PVT1: variants seen among roughly 807,000 people sequenced by gnomAD.
PVT1 encodes Pvt1 oncogene.
chr8:128,004,354 G>A (rs1322457005), intron 4 of PVT1, among the ~76,000 whole-genome samples: 1 of 152,124 alleles, frequency 6.6e-6, no homozygotes, highest in African/African-American at 2.4e-5. Context: ...TATTGGGTGG[G>A]GGAGAAGGGA....
intron 2 of PVT1, among the ~76,000 whole-genome samples, chr8:127,807,719 A>G (rs1814542968): frequency 6.6e-6 from 1 of 152,156 alleles, no homozygotes; most frequent in East Asian, 1.9e-4. Context: ...GAAAATACAT[A>G]TGACAAGATG....
Position 127,908,681 on chromosome 8 carries a change from ACACCCC to A in PVT1, n.782+17686_782+17691del, listed in dbSNP as rs201436162. ...AACCCTTGATGGGACTCCCGGCTAAACACCCCCATTGTCTGGGACCTTGAGATTAGA... is the reference window on the plus strand; with the variant it reads ...AACCCTTGATGGGACTCCCGGCTAAACATTGTCTGGGACCTTGAGATTAGA... On this transcript the variant is annotated intron_variant and non_coding_transcript_variant, in intron 3 of 10. Coordinates refer to ENST00000651587, the Ensembl canonical transcript of PVT1. Among the ~76,000 whole-genome samples the A allele has an allele frequency of 3.4e-4, 51 of 152,224 alleles. No homozygotes were observed. The East Asian group carries it at 9.3e-3, about 28-fold the overall frequency.
At chr8:127,900,456 G>C (rs1264441867) in intron 3 of PVT1, among the ~76,000 whole-genome samples, 2 of 152,098 alleles carry the variant, frequency 1.3e-5, no homozygotes, top group Non-Finnish European at 2.9e-5. Context: ...TGAACTTGGG[G>C]TATAACAGGT....
At chr8:128,035,882 C>T (rs556146876) in intron 4 of PVT1, among the ~76,000 whole-genome samples, 1 of 152,326 alleles carries the variant, frequency 6.6e-6, no homozygotes, top group East Asian at 1.9e-4. Context: ...AACTGATTTT[C>T]CTTTGGAGCT....
At chr8:128,055,964 A>G (rs1813757559) in intron 4 of PVT1, among the ~76,000 whole-genome samples, 1 of 152,224 alleles carries the variant, frequency 6.6e-6, no homozygotes, top group African/African-American at 2.4e-5. Context: ...AACAATATGC[A>G]TGTACAGAAA....
intron 2 of PVT1, among the ~76,000 whole-genome samples, chr8:127,889,033 T>TC (rs1491272967): frequency 4.1e-5 from 3 of 72,516 alleles, no homozygotes; most frequent in South Asian, 5.0e-4. Context: ...CCTTTCTCTC[T>TC]TTCTTTCTTC....
At chr8:128,042,674 T>C (rs1813559837) in intron 4 of PVT1, among the ~76,000 whole-genome samples, 2 of 152,218 alleles carry the variant, frequency 1.3e-5, no homozygotes, top group African/African-American at 4.8e-5. Context: ...GCTTGCTGTG[T>C]GAGCCTTCTC....
intron 4 of PVT1, among the ~76,000 whole-genome samples, chr8:128,041,581 TGTGTGTTTGC>T (rs1813545000): frequency 6.8e-6 from 1 of 147,506 alleles, no homozygotes; most frequent in Admixed American, 7.0e-5. Context: ...TGTGTGTTTG[TGTGTGTTTGC>T]GTGTGTGTAC....
intron 3 of PVT1, among the ~76,000 whole-genome samples, chr8:127,982,941 C>A (rs1363897999): frequency 6.6e-6 from 1 of 152,128 alleles, no homozygotes; most frequent in Non-Finnish European, 1.5e-5. Context: ...GTGTTGAGCA[C>A]CTGTTGTGCA....
chr8:128,064,634 A>G (rs542545612), intron 4 of PVT1, among the ~76,000 whole-genome samples: 7 of 152,214 alleles, frequency 4.6e-5, no homozygotes, highest in African/African-American at 7.2e-5. Flanking sequence ...AGAGAGTCCC[A>G]TTTGACCAGT....
intron 2 of PVT1, among the ~76,000 whole-genome samples, chr8:127,798,380 G>A (rs1036457993): frequency 1.3e-5 from 2 of 151,656 alleles, no homozygotes; most frequent in Non-Finnish European, 2.9e-5. Flanking sequence ...CACCCTCACC[G>A]TGCACCTTAG....
rs562329655 is a variant in PVT1 at position 127,814,528 on chromosome 8, T to C, written n.372+18457T>C. ...ATGCTGGGCAATGCTCTAAGTGCTC[T>C]GCAGGTTTTGGCTAATTTAATCTCC... On this transcript the variant is annotated intron_variant and non_coding_transcript_variant, in intron 2 of 10. Coordinates refer to ENST00000651587, the Ensembl canonical transcript of PVT1. Among the ~76,000 whole-genome samples, 245 of 152,366 alleles carry C rather than the reference T, an allele frequency of 1.6e-3. 1 individual carries two copies. The highest frequency in any genetic ancestry group is 5.4e-3 in the South Asian group (26 of 4,830).
At chr8:127,866,534 T>G (rs556472521) in intron 2 of PVT1, among the ~76,000 whole-genome samples, 50 of 152,170 alleles carry the variant, frequency 3.3e-4, no homozygotes, top group African/African-American at 1.0e-3. Context: ...GAAGGAGGCC[T>G]GGAGGAGTAG....
intron 2 of PVT1, among the ~76,000 whole-genome samples, chr8:127,818,436 C>A (rs903124017): frequency 1.2e-4 from 19 of 152,094 alleles, no homozygotes; most frequent in Non-Finnish European, 2.1e-4. Context: ...GAAGGGAGAG[C>A]AGGCAGGTCT....
At chr8:128,033,216 A>G (rs534875822) in intron 4 of PVT1, among the ~76,000 whole-genome samples, 145 of 152,352 alleles carry the variant, frequency 9.5e-4, no homozygotes, top group African/African-American at 3.3e-3. Flanking sequence ...GAATGGTATG[A>G]TTCTCCGAGG....
intron 3 of PVT1, chr8:127,960,489 G>A (rs895137003): frequency 2.8e-5 from 8 of 288,122 alleles, no homozygotes; most frequent in East Asian, 1.1e-4. Flanking sequence ...GTTAGGAATC[G>A]ACCTTCCTTG....
intron 3 of PVT1, among the ~76,000 whole-genome samples, chr8:127,955,346 G>T (rs1816555832): frequency 6.6e-6 from 1 of 152,178 alleles, no homozygotes; most frequent in African/African-American, 2.4e-5. Flanking sequence ...AATTTCTGTT[G>T]TTAAAGCCAC....
intron 4 of PVT1, among the ~76,000 whole-genome samples, chr8:128,060,172 C>T (rs1050816551): frequency 2.0e-5 from 3 of 152,152 alleles, no homozygotes; most frequent in South Asian, 2.1e-4. Flanking sequence ...AGGAGAATGG[C>T]GTGAACCCAG....
intron 4 of PVT1, among the ~76,000 whole-genome samples, chr8:128,047,573 C>G (rs1813633608): frequency 6.6e-6 from 1 of 152,096 alleles, no homozygotes; most frequent in Non-Finnish European, 1.5e-5. Flanking sequence ...ACAGGAAAAG[C>G]CAAGCTTAAA....
Sources: gnomAD v4.1 joint callset for allele counts (sites outside exome capture counted in the v4.1 genomes callset) on GRCh38, gnomAD v4.1.1 for gene constraint, MANE v1.5 for transcripts, NCBI Gene and HGNC (gene_info 2026-07-23, HGNC 2026-07-21) for gene names.